Variants in WASHC2A observed in about 807,000 individuals in gnomAD.
WASHC2A encodes WASH complex subunit 2A.
Under a neutral mutation model 140.3 loss-of-function variants are expected in WASHC2A, and 82 were observed. The observed-to-expected ratio is 0.58, with a 90% confidence interval of 0.49 to 0.70. WASHC2A has a LOEUF of 0.70. Ranked by LOEUF, WASHC2A falls within the 30% of genes least tolerant of loss-of-function variation. The pLI is 0.00. For missense variants in WASHC2A, 985 were observed against 1,521.8 expected (o/e 0.65, Z 5.87); for synonymous variants, 340 against 560.8 (o/e 0.61, Z 5.56).
At chr10:50,078,873 G>A in intron 4 of WASHC2A, 136 bp downstream of exon 4, 10 of 1,552,004 alleles carry the variant, frequency 6.4e-6, no homozygotes, top group African/African-American at 1.4e-5. Flanking sequence ...CAGCCCAAGA[G>A]GGGATTCTTT....
At chr10:50,070,128 T>C (rs1245657068) in intron 3 of WASHC2A, among the ~76,000 whole-genome samples, 11 of 152,220 alleles carry the variant, frequency 7.2e-5, no homozygotes, top group African/African-American at 2.7e-4. Context: ...GGGATATATA[T>C]GTCTGCTTGC....
chr10:50,105,949 A>C (rs1278499884), intron 18 of WASHC2A, among the ~76,000 whole-genome samples: 1 of 151,876 alleles, frequency 6.6e-6, no homozygotes, highest in Non-Finnish European at 1.5e-5. Context: ...CGTGGAGACA[A>C]CAGTGTGAGT....
Position 50,084,070 on chromosome 10 carries a change from A to G in WASHC2A, c.529-2A>G, listed in dbSNP as rs1839177488. ...ACAGCCTATTCCTTTCATGATGTAC[A>G]GGATCTATACATTGATCGTCCTTTA... On this transcript the variant is annotated splice_acceptor_variant, in intron 5 of 30. Coordinates refer to ENST00000282633, the MANE Select transcript of WASHC2A (RefSeq NM_001005751.3). LOFTEE classifies it high-confidence loss of function. 16 of 1,611,432 alleles carry G rather than the reference A, an allele frequency of 9.9e-6. No individual in the cohort carries two copies. Among genetic ancestry groups the G allele is most frequent in the Non-Finnish European group, 1.4e-5 (16 of 1,179,816 alleles).
intron 5 of WASHC2A, among the ~76,000 whole-genome samples, chr10:50,082,146 T>C (rs1313686306): frequency 8.6e-6 from 1 of 115,858 alleles, no homozygotes; most frequent in Non-Finnish European, 2.1e-5. Flanking sequence ...ACTTTCTCTC[T>C]TTTTTTTTTC....
intron 17 of WASHC2A, among the ~76,000 whole-genome samples, chr10:50,102,417 G>A (rs71508043): frequency 0.31 from 47,301 of 151,952 alleles, 8,949 homozygotes; most frequent in Non-Finnish European, 0.41. Flanking sequence ...AAACTGTGAT[G>A]TTGACATTTG....
chr10:50,091,527 C>T lies in WASHC2A; in HGVS notation c.931+9C>T. On this transcript the variant is annotated intron_variant, in intron 10 of 30. Coordinates refer to ENST00000282633, the MANE Select transcript of WASHC2A (RefSeq NM_001005751.3). ...GGACGAGGAGCCGACAAGTGAGCCC[C>T]AGCCGCGTTGATGGGGAGTAGGGGG... 17 of 1,549,702 alleles carry T rather than the reference C, an allele frequency of 1.1e-5. No individual in the cohort carries two copies. Among genetic ancestry groups the T allele is most frequent in the Middle Eastern group, 2.3e-4 (1 of 4,360 alleles).
intron 28 of WASHC2A, 95 bp downstream of exon 28, chr10:50,127,890 T>C: frequency 7.2e-7 from 1 of 1,396,522 alleles, no homozygotes; most frequent in East Asian, 2.5e-5. Flanking sequence ...CAGCAGTCTT[T>C]GACTCTCCTT....
intron 13 of WASHC2A, 125 bp from the exon 14 acceptor site, chr10:50,095,023 C>T (rs1840334841): frequency 6.4e-7 from 1 of 1,559,774 alleles, no homozygotes; most frequent in Non-Finnish European, 8.7e-7. Flanking sequence ...ATGACTTGTT[C>T]AGGAAAAAGT....
Position 50,095,668 on chromosome 10 carries a change from C to T in WASHC2A, c.1310C>T (p.Thr437Ile), listed in dbSNP as rs1652548299. 1 of 1,611,628 alleles carries T rather than the reference C, an allele frequency of 6.2e-7. No individual in the cohort carries two copies. The highest frequency in any genetic ancestry group is 1.3e-5 in the African/African-American group (1 of 74,726). The change falls in exon 15 of 31, where the codon ACT (threonine) becomes ATT (isoleucine). Residue 437 changes from threonine to isoleucine, a missense_variant. Coordinates refer to ENST00000282633, the MANE Select transcript of WASHC2A (RefSeq NM_001005751.3). The part of the protein sequence containing the change: ...MKEPQKPEQP[T>I]PRKSPYGPPP... ...GAGCCACAGAAGCCTGAGCAGCCCACTCCAAGGAAAAGCCCCTATGGTCCC... is the reference window on the plus strand; with the variant it reads ...GAGCCACAGAAGCCTGAGCAGCCCATTCCAAGGAAAAGCCCCTATGGTCCC...
intron 2 of WASHC2A, among the ~76,000 whole-genome samples, chr10:50,068,734 G>T (rs553001998): frequency 0.032 from 4,799 of 149,378 alleles, 305 homozygotes; most frequent in African/African-American, 0.11. Context: ...ACTTTTAAAA[G>T]GAGACAGGGT....
chr10:50,130,523 G>C (rs1414393150), intron 29 of WASHC2A, among the ~76,000 whole-genome samples: 1 of 152,126 alleles, frequency 6.6e-6, no homozygotes, highest in Admixed American at 6.6e-5. Flanking sequence ...TGAACTCAGA[G>C]AAGTGCTAGG....
At chr10:50,068,462 C>G (rs1288994436) in intron 2 of WASHC2A, among the ~76,000 whole-genome samples, 1 of 151,606 alleles carries the variant, frequency 6.6e-6, no homozygotes, top group Non-Finnish European at 1.5e-5. Context: ...GTTTCTGGCT[C>G]AGCTCCATCC....
intron 3 of WASHC2A, among the ~76,000 whole-genome samples, chr10:50,074,843 G>A (rs1838161694): frequency 1.3e-5 from 2 of 152,142 alleles, no homozygotes; most frequent in Admixed American, 1.3e-4. Flanking sequence ...GTGAACCCGG[G>A]AGGCAGAGCT....
chr10:50,132,663 A>G (rs1844085146), intron 30 of WASHC2A, 143 bp from the exon 31 acceptor site: 1 of 1,366,512 alleles, frequency 7.3e-7, no homozygotes, highest in South Asian at 1.2e-5. Context: ...ACCAGAATCT[A>G]AGAGGCTTGA....
chr10:50,127,875 A>G (rs893133646), intron 28 of WASHC2A, 80 bp downstream of exon 28: 90 of 1,129,826 alleles, frequency 8.0e-5, no homozygotes, highest in Middle Eastern at 2.8e-4. Flanking sequence ...TATCAGTTGC[A>G]TACACAGCAG....
rs572174006 is a variant in WASHC2A, at chr10:50,132,664, A to G, written c.3887-142A>G. On this transcript the variant is annotated intron_variant, in intron 30 of 30. Coordinates refer to ENST00000282633, the MANE Select transcript of WASHC2A (RefSeq NM_001005751.3). ...GTAACAAACACAGAACCAGAATCTA[A>G]GAGGCTTGAGTTCTAGGTTAGTGTT... is the stretch of plus-strand genomic sequence containing the variant. The G allele has an allele frequency of 2.9e-6, 4 of 1,381,074 alleles. No individual in the cohort carries two copies. The South Asian group carries it at 4.8e-5, about 17-fold the overall frequency. The allele number at this position is 1,381,074 out of a possible 1,614,324, so 85.6% of individuals were successfully genotyped here.
intron 8 of WASHC2A, among the ~76,000 whole-genome samples, chr10:50,088,136 C>G (rs1406626608): frequency 6.6e-6 from 1 of 151,490 alleles, no homozygotes; most frequent in Non-Finnish European, 1.5e-5. Context: ...TTTGAATAGC[C>G]TTTGCAGTTT....
In WASHC2A at chr10:50,100,025, G is replaced by A. The variant is rs1295856664; in HGVS notation, c.1596G>A (p.Lys532=). 1.0e-5 allele frequency: 15 copies of A among 1,439,766 alleles called. No homozygotes were observed. Among genetic ancestry groups the A allele is most frequent in the Admixed American group, 2.1e-5 (1 of 48,052 alleles). 89.2% of individuals were successfully genotyped at this position (1,439,766 alleles called of 1,614,324 possible). A position where few individuals can be genotyped will look rare whatever the true frequency, so the allele number is the denominator to read the frequency against. ...SKNLKPSSET[K]TQKGLFSDEE... ...ATCTCAAGCCCTCATCAGAAACAAA[G>A]ACTCAAAAAGGCTTATTTTCAGATG... Residue 532 remains lysine, a synonymous_variant, in exon 17 of 31, where the codon AAG becomes AAA. Transcript: ENST00000282633.
chr10:50,072,461 T>G (rs1554876555), intron 3 of WASHC2A, among the ~76,000 whole-genome samples: 1 of 150,274 alleles, frequency 6.7e-6, no homozygotes, highest in Non-Finnish European at 1.5e-5. Flanking sequence ...GTTGCTGATA[T>G]ATATTTGTAA....
Sources: gnomAD v4.1 joint callset for allele counts (sites outside exome capture counted in the v4.1 genomes callset) on GRCh38, gnomAD v4.1.1 for gene constraint, MANE v1.5 for transcripts, NCBI Gene and HGNC (gene_info 2026-07-23, HGNC 2026-07-21) for gene names.